THBS2: variants seen among roughly 807,000 people sequenced by gnomAD.
The protein encoded by THBS2 is thrombospondin-2.
Under a neutral mutation model 135.2 loss-of-function variants are expected in THBS2, and 47 were observed. That is an observed-to-expected ratio of 0.35 (90% CI 0.28 to 0.44). THBS2 has a LOEUF of 0.44. THBS2 is among the 20% of genes least tolerant of loss of function. The pLI is 1.00. For synonymous variants in THBS2, 639 were observed against 633.8 expected (o/e 1.01, Z -0.12); for missense variants, 1,288 against 1,603.1 (o/e 0.80, Z 3.36).
At chr6:169,227,295 G>A (rs552056618) in intron 15 of THBS2, among the ~76,000 whole-genome samples, 2 of 152,242 alleles carry the variant, frequency 1.3e-5, no homozygotes, top group African/African-American at 2.4e-5. Context: ...AGAAGCACTC[G>A]CCTGGTCTCC....
chr6:169,226,435 A>G (rs1779633293), intron 15 of THBS2, 137 bp from the exon 16 acceptor site: 1 of 585,704 alleles, frequency 1.7e-6, no homozygotes, highest in African/African-American at 1.9e-5. Flanking sequence ...AAAGACGCCT[A>G]AGAATATAGT....
Position 169,247,088 on chromosome 6 carries a change from T to TA in THBS2, c.610-808_610-807insT, listed in dbSNP as rs746783077. ...CATTTAGGAGTGGTTTTGGTTGTGA[T>TA]CAAAAAAGTCTGGGATTGCTAGAAA... is the stretch of plus-strand genomic sequence containing the variant. On this transcript the variant is annotated intron_variant, in intron 3 of 21. Coordinates refer to ENST00000617924, the MANE Select transcript of THBS2 (RefSeq NM_003247.5). Among the ~76,000 whole-genome samples, 226 of 152,322 alleles carry TA rather than the reference T, an allele frequency of 1.5e-3. 4 individuals carry two copies. The highest frequency in any genetic ancestry group is 6.8e-3 in the Middle Eastern group (2 of 294).
Position 169,217,781 on chromosome 6 carries a change from T to C in THBS2, c.*41A>G. The C allele has an allele frequency of 1.2e-6, 2 of 1,608,528 alleles. No individual in the cohort carries two copies. The highest frequency in any genetic ancestry group is 8.5e-7 in the Non-Finnish European group (1 of 1,177,490). ...AATGAACTGAGGTGTCTAGGGACCA[T>C]GGCATGCACAGGGCATTGCCGGAAA... On this transcript the variant is annotated 3_prime_UTR_variant, in exon 22 of 22. Transcript: ENST00000617924.
intron 9 of THBS2, among the ~76,000 whole-genome samples, chr6:169,236,156 A>G (rs983350742): frequency 2.2e-5 from 2 of 88,988 alleles, no homozygotes; most frequent in African/African-American, 9.4e-5. Context: ...CTCCCCATCC[A>G]CACTCACTCC....
At chr6:169,228,067 T>TC in intron 15 of THBS2, 55 bp downstream of exon 15, 1 of 1,512,710 alleles carries the variant, frequency 6.6e-7, no homozygotes, top group Non-Finnish European at 8.8e-7. Context: ...ATAGTGAAAC[T>TC]CCATCTCAAA....
Position 169,234,791 on chromosome 6 carries a change from C to A in THBS2, c.1594G>T (p.Ala532Ser). 6.2e-7 allele frequency: 1 copy of A among 1,609,884 alleles called. No individual in the cohort carries two copies. The highest frequency in any genetic ancestry group is 8.5e-7 in the Non-Finnish European group (1 of 1,177,734). The change falls in exon 10 of 22, where the codon GCC becomes TCC. Residue 532 changes from alanine to serine, a missense_variant. By Grantham distance (99) the Ala-to-Ser change is moderately conservative. Coordinates refer to ENST00000617924, the MANE Select transcript of THBS2 (RefSeq NM_003247.5). ...CGCTCCTGCACATCCCCCACGCAGG[C>A]CTTCCCTCCGTACTGAGGCTCAGGG... ...NSPEPQYGGK[A>S]CVGDVQERQM...
In THBS2 at chr6:169,248,314, A is replaced by G. The variant is rs541346089; in HGVS notation, c.609+103T>C. On this transcript the variant is annotated intron_variant, in intron 3 of 21. Transcript: ENST00000617924. ...ATGTGCAGTGTGCTTCTCTAAGGCC[A>G]GGCTCTGCCTGCTCAAGCATCGCAT... 287 of 1,368,312 alleles carry G rather than the reference A, an allele frequency of 2.1e-4. 1 individual carries two copies. Among genetic ancestry groups the G allele is most frequent in the Non-Finnish European group, 1.0e-5 (10 of 1,003,414 alleles). The allele number at this position is 1,368,312 out of a possible 1,614,324, so 84.8% of individuals were successfully genotyped here. A position where few individuals can be genotyped will look rare whatever the true frequency, so the allele number is the denominator to read the frequency against.
rs1402246898 is a variant in THBS2 at position 169,221,450 on chromosome 6, C to T, written c.3351G>A (p.Arg1117=). 1.4e-5 allele frequency: 22 copies of T among 1,613,900 alleles called. No homozygotes were observed. Among genetic ancestry groups the T allele is most frequent in the Admixed American group, 5.0e-5 (3 of 60,000 alleles). ...YTAYRWHLTH[R]PKTGYIRVLV... ...CTCACCTGATGTAGCCAGTCTTGGG[C>T]CTGTGAGTCAGGTGCCACCTATAGG... is the stretch of plus-strand genomic sequence containing the variant. Residue 1117 remains arginine (R), a synonymous_variant, in exon 20 of 22, where the codon AGG becomes AGA. Transcript: ENST00000617924.
intron 19 of THBS2, among the ~76,000 whole-genome samples, chr6:169,221,903 T>A (rs1470506351): frequency 6.6e-6 from 1 of 152,240 alleles, no homozygotes; most frequent in African/African-American, 2.4e-5. Context: ...ATTTTTTTCA[T>A]ATTATATCTT....
chr6:169,245,702 G>C (rs55990812), intron 4 of THBS2, among the ~76,000 whole-genome samples: 1 of 150,848 alleles, frequency 6.6e-6, no homozygotes, highest in African/African-American at 2.4e-5. Context: ...TGAGGCAGAA[G>C]AGTGGCGTGA....
At chr6:169,243,655 C>A (rs920908144) in intron 4 of THBS2, among the ~76,000 whole-genome samples, 3 of 152,188 alleles carry the variant, frequency 2.0e-5, no homozygotes, top group Non-Finnish European at 2.9e-5. Flanking sequence ...AAGAAACCAC[C>A]CTGAGTGGAT....
intron 15 of THBS2, among the ~76,000 whole-genome samples, chr6:169,227,162 T>C (rs6902567): frequency 0.65 from 98,315 of 151,756 alleles, 32,790 homozygotes; most frequent in African/African-American, 0.82. Context: ...CAGGTTGGGG[T>C]GGCTCAGAAA....
rs546173622 is a variant in THBS2, at chr6:169,227,335, G to A, written c.2419+787C>T. Among the ~76,000 whole-genome samples, 1,160 of 152,254 alleles carry A rather than the reference G, an allele frequency of 7.6e-3. 8 individuals carry two copies. The highest frequency in any genetic ancestry group is 0.014 in the Admixed American group (218 of 15,304). On this transcript the variant is annotated intron_variant, in intron 15 of 21. Coordinates refer to ENST00000617924, the MANE Select transcript of THBS2 (RefSeq NM_003247.5). ...ACCCCAAGAGAAGGGATGACCATGCGGTGACAGTGGCACTGGGTTGCAGAG... is the reference window on the plus strand; with the variant it reads ...ACCCCAAGAGAAGGGATGACCATGCAGTGACAGTGGCACTGGGTTGCAGAG...
chr6:169,232,659 C>T lies in THBS2; in HGVS notation c.1932+5G>A. ...CAACACACAAGGAAGGCCGGCCTTG[C>T]GTACTTGCTTTTCCGTCTTGGCTGC... On this transcript the variant is annotated splice_donor_5th_base_variant and intron_variant, in intron 12 of 21. Coordinates refer to ENST00000617924, the MANE Select transcript of THBS2 (RefSeq NM_003247.5). 6.3e-7 allele frequency: 1 copy of T among 1,594,386 alleles called. No individual in the cohort carries two copies. Among genetic ancestry groups the T allele is most frequent in the Non-Finnish European group, 8.5e-7 (1 of 1,170,830 alleles).
chr6:169,229,743 A>G lies in THBS2; in HGVS notation c.2152-64T>C, dbSNP rs1454449484. 6.0e-6 allele frequency: 8 copies of G among 1,343,048 alleles called. No homozygotes were observed. In the East Asian group the frequency reaches 1.8e-4, roughly 31 times the overall value. 83.2% of individuals were successfully genotyped at this position (1,343,048 alleles called of 1,614,324 possible). Reference sequence around the variant, plus strand: ...AGGAAAGCGCCTCTTTCAGGAATGCAGGTGAAATGAAACCAGCATGGCGCC... The same window carrying G: ...AGGAAAGCGCCTCTTTCAGGAATGCGGGTGAAATGAAACCAGCATGGCGCC... On this transcript the variant is annotated intron_variant, in intron 13 of 21. Transcript: ENST00000617924.
intron 7 of THBS2, 77 bp from the exon 8 acceptor site, chr6:169,237,872 G>A: frequency 6.7e-7 from 1 of 1,482,152 alleles, no homozygotes; most frequent in Non-Finnish European, 9.0e-7. Flanking sequence ...GCACAGGGCA[G>A]CTGGCGTGGG....
intron 15 of THBS2, among the ~76,000 whole-genome samples, chr6:169,226,502 A>C (rs536064953): frequency 6.6e-5 from 10 of 152,374 alleles, no homozygotes; most frequent in African/African-American, 2.4e-4. Context: ...ATTACAGTTC[A>C]AATACCTTTC....
At chr6:169,235,907 C>G in intron 9 of THBS2, among the ~76,000 whole-genome samples, 1 of 125,476 alleles carries the variant, frequency 8.0e-6, no homozygotes, top group Non-Finnish European at 1.7e-5. Context: ...CCCATCCACA[C>G]TCTCCCTCTG....
chr6:169,237,594 G>A (rs2115009290), intron 8 of THBS2, 31 bp downstream of exon 8: 1 of 1,609,884 alleles, frequency 6.2e-7, no homozygotes, highest in East Asian at 2.2e-5. Context: ...CACCCCCACA[G>A]GCACGCGGGT....
Sources: allele counts gnomAD v4.1 joint callset (sites outside exome capture counted in the v4.1 genomes callset), GRCh38; gene constraint gnomAD v4.1.1; transcripts MANE v1.5; gene names NCBI Gene and HGNC (gene_info 2026-07-23, HGNC 2026-07-21).